Variants in ADGRL3 observed in about 807,000 individuals in gnomAD.
The protein encoded by ADGRL3 is adhesion G protein-coupled receptor L3, also known as calcium-independent alpha-latrotoxin receptor 3.
ADGRL3 carries 62 observed loss-of-function variants against 153.5 expected under a neutral mutation model. The ratio of observed to expected loss-of-function variants is 0.40; its 90% CI spans 0.33 to 0.50. The LOEUF (loss-of-function observed/expected upper bound fraction) is 0.50. Ranked by LOEUF, ADGRL3 falls within the 20% of genes least tolerant of loss-of-function variation. The pLI is 0.47. For missense variants in ADGRL3, 1,641 were observed against 1,859.4 expected (o/e 0.88, Z 2.16); for synonymous variants, 710 against 672.5 (o/e 1.06, Z -0.86).
chr4:62,050,777 G>A (rs1230711638), intron 25 of ADGRL3, among the ~76,000 whole-genome samples: 1 of 151,654 alleles, frequency 6.6e-6, no homozygotes, highest in Non-Finnish European at 1.5e-5. Flanking sequence ...CTGTTCTGAA[G>A]GATTATAAAA....
intron 3 of ADGRL3, among the ~76,000 whole-genome samples, chr4:61,514,679 C>T (rs1003753367): frequency 6.6e-6 from 1 of 152,038 alleles, no homozygotes; most frequent in African/African-American, 2.4e-5. Context: ...ACTTTGGTTT[C>T]ATAGAACACA....
intron 5 of ADGRL3, among the ~76,000 whole-genome samples, chr4:61,642,161 G>C (rs2093710046): frequency 1.3e-5 from 2 of 148,614 alleles, no homozygotes; most frequent in Admixed American, 1.3e-4. Context: ...AAATTTGTTT[G>C]AGTTCATTGT....
chr4:61,618,891 G>C (rs2092282407), intron 5 of ADGRL3, among the ~76,000 whole-genome samples: 1 of 152,028 alleles, frequency 6.6e-6, no homozygotes, highest in African/African-American at 2.4e-5. Flanking sequence ...TAATTTTTGT[G>C]TGTTTTTTGT....
At chr4:61,409,562 G>A (rs2152248177) in intron 2 of ADGRL3, among the ~76,000 whole-genome samples, 1 of 151,074 alleles carries the variant, frequency 6.6e-6, no homozygotes. Context: ...TAGTCCACAT[G>A]AATCATACAA....
chr4:61,269,377 C>T (rs1017036407), intron 1 of ADGRL3, among the ~76,000 whole-genome samples: 4 of 151,622 alleles, frequency 2.6e-5, no homozygotes, highest in Admixed American at 6.6e-5. Context: ...AGAAATTTAA[C>T]TATTATCCAC....
chr4:61,413,960 G>A (rs771025600), intron 2 of ADGRL3, among the ~76,000 whole-genome samples: 3 of 152,140 alleles, frequency 2.0e-5, no homozygotes, highest in East Asian at 3.9e-4. Context: ...TATTAAAATC[G>A]TGCATTTTGC....
rs1329537292 is a variant in ADGRL3, at chr4:62,071,783, GC to G, written c.*876del. ...TTTTATTCCTTTAAAATTTCGCCTG[GC>G]AAAAAATAAATAAATGGAACTATCA... On this transcript the variant is annotated 3_prime_UTR_variant, in exon 27 of 27. Transcript: ENST00000683033. 2 of 383,750 alleles carry G rather than the reference GC, an allele frequency of 5.2e-6. No individual in the cohort carries two copies. Among genetic ancestry groups the G allele is most frequent in the Admixed American group, 7.2e-5 (2 of 27,896 alleles). The allele number at this position is 383,750 out of a possible 1,614,324, so 23.8% of individuals were successfully genotyped here. A position where few individuals can be genotyped will look rare whatever the true frequency, so the allele number is the denominator to read the frequency against.
chr4:61,689,286 A>G (rs1022329316), intron 6 of ADGRL3, among the ~76,000 whole-genome samples: 2 of 152,166 alleles, frequency 1.3e-5, no homozygotes, highest in Admixed American at 1.3e-4. Context: ...ACCCATGTCC[A>G]TAAATGTCTC....
chr4:61,787,478 A>G (rs1358926034), intron 8 of ADGRL3, among the ~76,000 whole-genome samples: 2 of 152,098 alleles, frequency 1.3e-5, no homozygotes, highest in African/African-American at 2.4e-5. Flanking sequence ...GTTCTTTACA[A>G]TTTTATAAAG....
intron 8 of ADGRL3, among the ~76,000 whole-genome samples, chr4:61,778,265 G>C (rs1478986755): frequency 6.6e-6 from 1 of 152,110 alleles, no homozygotes; most frequent in Non-Finnish European, 1.5e-5. Context: ...CCAAACTCTG[G>C]AAAAATCTGA....
At chr4:61,551,412 T>A (rs2098739863) in intron 4 of ADGRL3, among the ~76,000 whole-genome samples, 1 of 152,102 alleles carries the variant, frequency 6.6e-6, no homozygotes, top group South Asian at 2.1e-4. Flanking sequence ...GGTATTTTTA[T>A]GTTAAAAAAG....
rs1581425104 is a variant in ADGRL3, at chr4:61,911,553, A to C, written c.2074-1166A>C. On this transcript the variant is annotated intron_variant, in intron 12 of 26. Transcript: ENST00000683033. ...ACTTTCCCTGAAGCAGTTATAACCT[A>C]TCAGATTTGCAAAGTCAACTCAGTA... 2.6e-5 allele frequency among the ~76,000 whole-genome samples: 4 copies of C among 152,264 alleles called. No homozygotes were observed. The South Asian group carries it at 8.3e-4, about 32-fold the overall frequency.
At chr4:61,640,105 T>G (rs12643718) in intron 5 of ADGRL3, among the ~76,000 whole-genome samples, 28,647 of 151,912 alleles carry the variant, frequency 0.19, 2,891 homozygotes, top group East Asian at 0.35. Flanking sequence ...TTCAGCAGCC[T>G]TACTACTTAG....
Position 61,912,869 on chromosome 4 carries a change from T to C in ADGRL3, c.2112+112T>C, listed in dbSNP as rs1235875931. 7.0e-6 allele frequency: 7 copies of C among 993,946 alleles called. No individual in the cohort carries two copies. The East Asian group carries it at 1.7e-4, about 24-fold the overall frequency. The allele number at this position is 993,946 out of a possible 1,614,324, so 61.6% of individuals were successfully genotyped here. ...ATGTACCTTACTGAAATAAAGGAAT[T>C]TCATGGAGGGGGAGAAGGGTGGGAA... On this transcript the variant is annotated intron_variant, in intron 13 of 26. Coordinates refer to ENST00000683033, the MANE Select transcript of ADGRL3 (RefSeq NM_001387552.1).
chr4:61,726,150 G>T (rs2096332425), intron 6 of ADGRL3, among the ~76,000 whole-genome samples: 1 of 149,104 alleles, frequency 6.7e-6, no homozygotes, highest in South Asian at 2.2e-4. Context: ...TCCAAAATCT[G>T]AAAATTTTTT....
intron 1 of ADGRL3, among the ~76,000 whole-genome samples, chr4:61,369,512 G>C (rs2151671820): frequency 6.6e-6 from 1 of 152,206 alleles, no homozygotes. Flanking sequence ...CTTTGGCTCT[G>C]TTTATATGCT....
intron 8 of ADGRL3, among the ~76,000 whole-genome samples, chr4:61,787,107 G>A (rs966120809): frequency 2.0e-5 from 3 of 151,978 alleles, no homozygotes; most frequent in Non-Finnish European, 2.9e-5. Context: ...TAGAAGCAAC[G>A]GGAAAAGATA....
intron 17 of ADGRL3, among the ~76,000 whole-genome samples, chr4:61,964,102 T>G (rs1345176685): frequency 6.6e-6 from 1 of 152,210 alleles, no homozygotes; most frequent in Non-Finnish European, 1.5e-5. Context: ...GAATAAGAAT[T>G]AAAAATCAGG....
At chr4:62,011,434 T>C (rs1581875154) in intron 21 of ADGRL3, among the ~76,000 whole-genome samples, 1 of 152,232 alleles carries the variant, frequency 6.6e-6, no homozygotes, top group East Asian at 1.9e-4. Context: ...TTATTGTGGG[T>C]GTCTCTATGT....
Sources: allele counts gnomAD v4.1 joint callset (sites outside exome capture counted in the v4.1 genomes callset), GRCh38; gene constraint gnomAD v4.1.1; transcripts MANE v1.5; gene names NCBI Gene and HGNC (gene_info 2026-07-23, HGNC 2026-07-21).